GNG4: variants seen among roughly 807,000 people sequenced by gnomAD.
The protein encoded by GNG4 is guanine nucleotide-binding protein G(I)/G(S)/G(O) subunit gamma-4.
In GNG4, 4 loss-of-function variants were observed where a neutral mutation model predicts 5.8. That is an observed-to-expected ratio of 0.69 (90% CI 0.34 to 1.57). The LOEUF (loss-of-function observed/expected upper bound fraction) is 1.57, where lower values mean the gene tolerates loss of function less well. Ranked by LOEUF, GNG4 falls within the 40% of genes most tolerant of loss-of-function variation. GNG4 has a pLI of 0.06. For synonymous variants in GNG4, 29 were observed against 32.9 expected (o/e 0.88, Z 0.41); for missense variants, 96 against 95.1 (o/e 1.01, Z -0.04).
intron 2 of GNG4, 105 bp from the exon 3 acceptor site, chr1:235,583,953 T>C: frequency 1.6e-6 from 1 of 607,032 alleles, no homozygotes; most frequent in South Asian, 2.5e-5. Context: ...AGGGAGCATC[T>C]GGGAGCATGG....
At chr1:235,616,449 A>T (rs1277700160) in intron 1 of GNG4, 1 of 251,046 alleles carries the variant, frequency 4.0e-6, no homozygotes, top group Non-Finnish European at 7.8e-6. Context: ...GGGCTGCCCG[A>T]TCCCTGGCCT....
intron 3 of GNG4, among the ~76,000 whole-genome samples, chr1:235,577,920 C>G (rs934895324): frequency 6.6e-6 from 1 of 152,212 alleles, no homozygotes; most frequent in African/African-American, 2.4e-5. Context: ...AGGCCATTGC[C>G]TTTCCCTGGT....
At chr1:235,604,631 G>A (rs79233553) in intron 1 of GNG4, among the ~76,000 whole-genome samples, 6,620 of 152,206 alleles carry the variant, frequency 0.043, 201 homozygotes, top group Non-Finnish European at 0.066. Flanking sequence ...GTGTCTCACC[G>A]TGTCATCTTC....
At chr1:235,595,771 G>C (rs574855983) in intron 1 of GNG4, among the ~76,000 whole-genome samples, 16 of 152,294 alleles carry the variant, frequency 1.1e-4, no homozygotes, top group Non-Finnish European at 1.9e-4. Flanking sequence ...TGCTCCCCTG[G>C]ACCCTGCAAA....
chr1:235,616,408 C>T, intron 1 of GNG4: 1 of 285,374 alleles, frequency 3.5e-6, no homozygotes. Flanking sequence ...AGGGCCCTGC[C>T]AGGAGCCTGT....
In GNG4 at chr1:235,643,923, A is replaced by G. The variant is rs563452488; in HGVS notation, c.-123+5739T>C. On this transcript the variant is annotated intron_variant, in intron 1 of 3. Coordinates refer to ENST00000391854, the MANE Select transcript of GNG4 (RefSeq NM_001098722.2). The stretch of plus-strand genomic sequence containing the variant: ...TTGTTCAGAGGATGCTGACCCATCC[A>G]TCAGTGAGCACAGCCAACCCAAAAA... 3.3e-5 allele frequency among the ~76,000 whole-genome samples: 5 copies of G among 152,392 alleles called. No individual in the cohort carries two copies. In the South Asian group the frequency reaches 6.2e-4, roughly 19 times the overall value.
chr1:235,594,486 G>A (rs1055583444), intron 2 of GNG4, among the ~76,000 whole-genome samples: 5 of 152,174 alleles, frequency 3.3e-5, no homozygotes, highest in South Asian at 4.1e-4. Context: ...AGCAGGGGGC[G>A]GTGATTGTCC....
intron 1 of GNG4, among the ~76,000 whole-genome samples, chr1:235,639,938 C>T (rs527968311): frequency 2.4e-4 from 36 of 152,304 alleles, no homozygotes; most frequent in Admixed American, 3.3e-4. Context: ...GTCTCCTGGA[C>T]GGCTCATGGG....
At chr1:235,643,567 C>T (rs897527805) in intron 1 of GNG4, among the ~76,000 whole-genome samples, 4 of 152,246 alleles carry the variant, frequency 2.6e-5, no homozygotes, top group Non-Finnish European at 5.9e-5. Context: ...GCTTATCACA[C>T]ATGCAGTCAA....
intron 2 of GNG4, among the ~76,000 whole-genome samples, chr1:235,584,080 G>A (rs1687706880): frequency 6.6e-6 from 1 of 152,126 alleles, no homozygotes; most frequent in Non-Finnish European, 1.5e-5. Flanking sequence ...GGGACAGTGA[G>A]AAGAGAACAG....
At chr1:235,646,485 G>A (rs1307671562) in intron 1 of GNG4, among the ~76,000 whole-genome samples, 1 of 152,186 alleles carries the variant, frequency 6.6e-6, no homozygotes. Flanking sequence ...CACATGACAC[G>A]TCTAGCCCAA....
chr1:235,613,100 AT>A (rs796822828), intron 1 of GNG4, among the ~76,000 whole-genome samples: 6 of 147,762 alleles, frequency 4.1e-5, no homozygotes, highest in African/African-American at 1.5e-4. Flanking sequence ...TCAACACAGA[AT>A]TTTTTTTGGA....
At chr1:235,647,568 G>A (rs1657544056) in intron 1 of GNG4, among the ~76,000 whole-genome samples, 2 of 151,180 alleles carry the variant, frequency 1.3e-5, no homozygotes, top group Admixed American at 1.3e-4. Flanking sequence ...CTTGGGGGAA[G>A]GAGCATTGTA....
intron 1 of GNG4, among the ~76,000 whole-genome samples, chr1:235,606,802 A>G (rs1688369841): frequency 2.6e-5 from 4 of 152,006 alleles, no homozygotes; most frequent in Admixed American, 1.3e-4. Context: ...CAGGGGGAGC[A>G]TGGGTCAGAA....
At chr1:235,587,626 T>TGG (rs1558486405) in intron 2 of GNG4, among the ~76,000 whole-genome samples, 1 of 6,114 alleles carries the variant, frequency 1.6e-4, no homozygotes. Context: ...TGTGTGAATG[T>TGG]GGGGTGGAGT....
At chr1:235,637,369 G>A (rs1023952201) in intron 1 of GNG4, among the ~76,000 whole-genome samples, 2 of 152,146 alleles carry the variant, frequency 1.3e-5, no homozygotes, top group East Asian at 3.9e-4. Context: ...GAATTAGAAT[G>A]AGGCTGGGCG....
Position 235,594,732 on chromosome 1 carries a change from G to A in GNG4, c.-11+668C>T, listed in dbSNP as rs563237308. Among the ~76,000 whole-genome samples, 15 of 152,154 alleles carry A rather than the reference G, an allele frequency of 9.9e-5. No homozygotes were observed. In the South Asian group the frequency reaches 2.1e-3, roughly 21 times the overall value. On this transcript the variant is annotated intron_variant, in intron 2 of 3. Transcript: ENST00000391854. ...GAACTCACGCTGGTCCGCAAGCACC[G>A]TGCGCAGCCCCAGTTCCCGCCCGTG...
intron 2 of GNG4, among the ~76,000 whole-genome samples, chr1:235,593,498 G>C (rs2774319): frequency 4.6e-5 from 7 of 152,130 alleles, no homozygotes; most frequent in South Asian, 2.1e-4. Flanking sequence ...CCGGCCTTCC[G>C]GACAATGCCC....
At chr1:235,624,531 A>C (rs1022443753) in intron 1 of GNG4, among the ~76,000 whole-genome samples, 1 of 152,202 alleles carries the variant, frequency 6.6e-6, no homozygotes, top group African/African-American at 2.4e-5. Flanking sequence ...AACTGAAGAA[A>C]AGACAAAAGC....
Sources: allele counts gnomAD v4.1 joint callset (sites outside exome capture counted in the v4.1 genomes callset), GRCh38; gene constraint gnomAD v4.1.1; transcripts MANE v1.5; gene names NCBI Gene and HGNC (gene_info 2026-07-23, HGNC 2026-07-21).